Variants in SEMA6A observed in about 807,000 individuals in gnomAD.
SEMA6A encodes semaphorin 6A, also known as semaphorin-6A.
A neutral mutation model predicts 96.8 loss-of-function variants in SEMA6A; 25 were observed. The observed-to-expected ratio is 0.26, with a 90% confidence interval of 0.19 to 0.36. The LOEUF is 0.36. SEMA6A is among the 10% of genes least tolerant of loss of function. The pLI is 1.00. For missense variants in SEMA6A, 1,363 were observed against 1,323.1 expected (o/e 1.03, Z -0.47); for synonymous variants, 612 against 518.0 (o/e 1.18, Z -2.46).
intron 10 of SEMA6A, among the ~76,000 whole-genome samples, chr5:116,485,127 A>C (rs1047821748): frequency 2.0e-5 from 3 of 152,224 alleles, no homozygotes; most frequent in Non-Finnish European, 4.4e-5. Context: ...ACAGATTACC[A>C]AACAAATATG....
intron 1 of SEMA6A, among the ~76,000 whole-genome samples, chr5:116,506,845 A>G (rs1758165755): frequency 6.6e-6 from 1 of 152,184 alleles, no homozygotes; most frequent in Non-Finnish European, 1.5e-5. Flanking sequence ...TTAGAGATGT[A>G]TGTATGCTTT....
intron 11 of SEMA6A, 144 bp downstream of exon 11, chr5:116,482,298 CTT>C (rs1756820647): frequency 1.3e-6 from 1 of 754,308 alleles, no homozygotes; most frequent in South Asian, 1.9e-5. Context: ...GAGAAGGTAA[CTT>C]TGGGTTTTGG....
chr5:116,488,032 T>C, intron 9 of SEMA6A, 76 bp downstream of exon 9: 2 of 957,562 alleles, frequency 2.1e-6, no homozygotes, highest in East Asian at 2.6e-5. Flanking sequence ...TCAAGATCAT[T>C]TATAACAACA....
At chr5:116,497,525 GC>G (rs1352819192) in intron 3 of SEMA6A, 138 bp from the exon 4 acceptor site, 7 of 553,950 alleles carry the variant, frequency 1.3e-5, no homozygotes, top group Non-Finnish European at 2.3e-5. Context: ...AGAAAAGAGC[GC>G]AGCCTTCAAG....
intron 1 of SEMA6A, among the ~76,000 whole-genome samples, chr5:116,571,461 C>T (rs551913930): frequency 1.3e-5 from 2 of 152,302 alleles, no homozygotes; most frequent in African/African-American, 2.4e-5. Flanking sequence ...TGCTTCTTTA[C>T]ATCAAGTTGA....
chr5:116,565,870 C>G (rs1394686520), intron 1 of SEMA6A, among the ~76,000 whole-genome samples: 4 of 152,048 alleles, frequency 2.6e-5, no homozygotes, highest in African/African-American at 7.2e-5. Flanking sequence ...CATTCACCAG[C>G]TCAATCAGTA....
chr5:116,527,423 C>T (rs1200584090), intron 1 of SEMA6A, among the ~76,000 whole-genome samples: 2 of 152,136 alleles, frequency 1.3e-5, no homozygotes, highest in Admixed American at 1.3e-4. Flanking sequence ...TGCTTCAATA[C>T]GAGGAAATAC....
At chr5:116,506,873 T>C (rs1758166590) in intron 1 of SEMA6A, among the ~76,000 whole-genome samples, 1 of 152,220 alleles carries the variant, frequency 6.6e-6, no homozygotes, top group African/African-American at 2.4e-5. Flanking sequence ...TAATTTTTCT[T>C]GACATGACAA....
chr5:116,481,372 ATCTG>A (rs1337681712), intron 11 of SEMA6A, among the ~76,000 whole-genome samples: 2 of 152,146 alleles, frequency 1.3e-5, no homozygotes, highest in Non-Finnish European at 1.5e-5. Flanking sequence ...ACTTAAGACT[ATCTG>A]TCTGAGGTTG....
At chr5:116,569,968 T>C (rs1275683646) in intron 1 of SEMA6A, among the ~76,000 whole-genome samples, 1 of 152,164 alleles carries the variant, frequency 6.6e-6, no homozygotes, top group African/African-American at 2.4e-5. Flanking sequence ...GAATCATCTG[T>C]GTATTATGGT....
chr5:116,557,646 G>A (rs974011733), intron 1 of SEMA6A, among the ~76,000 whole-genome samples: 3 of 121,052 alleles, frequency 2.5e-5, no homozygotes, highest in Non-Finnish European at 5.6e-5. Flanking sequence ...TTGGTATTCC[G>A]GATATGGCTT....
chr5:116,505,096 C>CT (rs1355552179), intron 1 of SEMA6A, 114 bp from the exon 2 acceptor site: 1 of 573,756 alleles, frequency 1.7e-6, no homozygotes, highest in Non-Finnish European at 3.1e-6. Context: ...TTTACATCTT[C>CT]TACATGGTAA....
intron 18 of SEMA6A, among the ~76,000 whole-genome samples, chr5:116,456,057 AC>A (rs1754990463): frequency 6.6e-6 from 1 of 152,210 alleles, no homozygotes; most frequent in Non-Finnish European, 1.5e-5. Flanking sequence ...CCAAGATTAG[AC>A]TATTTTAAGG....
At chr5:116,453,576 C>A (rs1338020265) in intron 18 of SEMA6A, among the ~76,000 whole-genome samples, 1 of 152,152 alleles carries the variant, frequency 6.6e-6, no homozygotes, top group African/African-American at 2.4e-5. Flanking sequence ...TGTGGACAGC[C>A]TTGAATGATT....
intron 1 of SEMA6A, among the ~76,000 whole-genome samples, chr5:116,556,247 ATTAC>A (rs150911104): frequency 2.8e-3 from 428 of 152,342 alleles, no homozygotes; most frequent in African/African-American, 9.5e-3. Flanking sequence ...TGAAATAATG[ATTAC>A]TTACTTAGTT....
In SEMA6A at chr5:116,447,238, T is replaced by C; in HGVS notation, c.2468A>G (p.Gln823Arg). The change falls in exon 19 of 19, where the codon CAG becomes CGG. Residue 823 changes from glutamine to arginine, a missense_variant. Transcript: ENST00000343348. ...GTCCACGTACTCATGCTGGTAGCCC[T>C]GCTGCGTGATGGGCAGGACCACCAC... ...PSVVVLPITQ[Q>R]GYQHEYVDQP... The C allele has an allele frequency of 6.2e-7, 1 of 1,614,010 alleles. No homozygotes were observed. Among genetic ancestry groups the C allele is most frequent in the Non-Finnish European group, 8.5e-7 (1 of 1,179,892 alleles).
At chr5:116,468,844 A>T (rs998599016) in intron 17 of SEMA6A, 2 of 152,208 alleles carry the variant, frequency 1.3e-5, no homozygotes, top group African/African-American at 2.4e-5. Flanking sequence ...AGTAGGGCAG[A>T]CTCACAACAA....
intron 1 of SEMA6A, among the ~76,000 whole-genome samples, chr5:116,539,971 T>C (rs1314898947): frequency 6.6e-6 from 1 of 152,188 alleles, no homozygotes; most frequent in African/African-American, 2.4e-5. Flanking sequence ...ATTGAGTAAA[T>C]GTACTTGGGA....
chr5:116,497,536 G>C (rs1757660629), intron 3 of SEMA6A, 149 bp from the exon 4 acceptor site: 3 of 552,136 alleles, frequency 5.4e-6, no homozygotes, highest in Non-Finnish European at 9.7e-6. Flanking sequence ...CAGCCTTCAA[G>C]AGATGTCTCC....
Sources: gnomAD v4.1 joint callset for allele counts (sites outside exome capture counted in the v4.1 genomes callset) on GRCh38, gnomAD v4.1.1 for gene constraint, MANE v1.5 for transcripts, NCBI Gene and HGNC (gene_info 2026-07-23, HGNC 2026-07-21) for gene names.